Variants in VRK2 observed in about 807,000 individuals in gnomAD.
VRK2 encodes the protein VRK serine/threonine kinase 2.
Under a neutral mutation model 57.6 loss-of-function variants are expected in VRK2, and 60 were observed. The ratio of observed to expected loss-of-function variants is 1.04; its 90% CI spans 0.85 to 1.29. The LOEUF is 1.29. Among genes scored for constraint, VRK2 ranks in the 50% most tolerant of loss-of-function variants. The pLI, the probability that VRK2 is intolerant of heterozygous loss-of-function variation, is 0.00. For missense variants in VRK2, 705 were observed against 588.1 expected (o/e 1.20, Z -2.06); for synonymous variants, 231 against 199.2 (o/e 1.16, Z -1.35).
intron 1 of VRK2, among the ~76,000 whole-genome samples, chr2:57,975,976 A>C (rs12476222): frequency 0.12 from 18,591 of 151,826 alleles, 1,213 homozygotes; most frequent in East Asian, 0.19. Context: ...TCCACATGCA[A>C]TCAACGTTTA....
chr2:58,068,991 A>G (rs187767729), intron 2 of VRK2, among the ~76,000 whole-genome samples: 148 of 152,262 alleles, frequency 9.7e-4, no homozygotes, highest in Middle Eastern at 3.4e-3. Context: ...TCTGTCAGAT[A>G]ATTTCAACAT....
intron 12 of VRK2, among the ~76,000 whole-genome samples, chr2:58,148,084 G>A (rs994552128): frequency 6.6e-6 from 1 of 151,788 alleles, no homozygotes; most frequent in Admixed American, 6.6e-5. Flanking sequence ...TAGGGCAGGT[G>A]TATGTTCAAT....
intron 8 of VRK2, among the ~76,000 whole-genome samples, chr2:58,126,905 A>T (rs1678436743): frequency 6.6e-6 from 1 of 152,048 alleles, no homozygotes; most frequent in African/African-American, 2.4e-5. Flanking sequence ...AATGTGTGGT[A>T]TAGATTTTTG....
At chr2:57,914,030 G>T (rs1451048886) in intron 1 of VRK2, among the ~76,000 whole-genome samples, 2 of 151,780 alleles carry the variant, frequency 1.3e-5, no homozygotes, top group African/African-American at 4.8e-5. Flanking sequence ...ACATTAAAGA[G>T]AAAAAACGTC....
intron 2 of VRK2, among the ~76,000 whole-genome samples, chr2:58,081,076 A>G (rs2104105157): frequency 6.6e-6 from 1 of 152,126 alleles, no homozygotes; most frequent in Non-Finnish European, 1.5e-5. Context: ...TCATATCTTA[A>G]TAAACATTTT....
At chr2:57,957,457 T>A (rs1423881438) in intron 1 of VRK2, among the ~76,000 whole-genome samples, 1 of 151,938 alleles carries the variant, frequency 6.6e-6, no homozygotes, top group Non-Finnish European at 1.5e-5. Context: ...TGGATAAGGC[T>A]ACGATCAGTG....
intron 1 of VRK2, among the ~76,000 whole-genome samples, chr2:57,915,596 T>C (rs190649347): frequency 5.1e-4 from 77 of 152,326 alleles, no homozygotes; most frequent in African/African-American, 1.8e-3. Flanking sequence ...GATGGAACAA[T>C]GATGACTAGA....
At chr2:58,008,372 G>A (rs551075528) in intron 1 of VRK2, among the ~76,000 whole-genome samples, 1 of 152,038 alleles carries the variant, frequency 6.6e-6, no homozygotes, top group South Asian at 2.1e-4. Context: ...AAGGAACGAA[G>A]AAAGGAAGCA....
chr2:57,954,300 T>C (rs1035115639), intron 1 of VRK2, among the ~76,000 whole-genome samples: 1 of 152,114 alleles, frequency 6.6e-6, no homozygotes, highest in Admixed American at 6.6e-5. Flanking sequence ...TTTGATTCTA[T>C]TCAAACTGAG....
At chr2:58,033,050 T>G (rs953636471) in intron 2 of VRK2, among the ~76,000 whole-genome samples, 1 of 152,046 alleles carries the variant, frequency 6.6e-6, no homozygotes, top group Non-Finnish European at 1.5e-5. Context: ...AACATATGAA[T>G]TTTGGGGGGA....
intron 6 of VRK2, among the ~76,000 whole-genome samples, chr2:58,088,820 G>A (rs1019618654): frequency 1.3e-5 from 2 of 152,200 alleles, no homozygotes; most frequent in Admixed American, 6.5e-5. Flanking sequence ...TGGTAGGGGG[G>A]TGCTATGAAG....
intron 1 of VRK2, among the ~76,000 whole-genome samples, chr2:57,997,404 A>G (rs546945894): frequency 1.8e-4 from 28 of 152,136 alleles, no homozygotes; most frequent in Non-Finnish European, 3.5e-4. Flanking sequence ...GAGAGATGCA[A>G]TAAGATCAAT....
chr2:58,043,762 G>C (rs1056276283), upstream of VRK2, among the ~76,000 whole-genome samples: 2 of 152,112 alleles, frequency 1.3e-5, no homozygotes, highest in Non-Finnish European at 2.9e-5. Context: ...GCGAATGCTG[G>C]GTTGTATGTT....
rs144721876 is a variant in VRK2 at position 58,074,239 on chromosome 2, C to G, written c.137-9850C>G. Among the ~76,000 whole-genome samples the G allele has an allele frequency of 2.8e-3, 422 of 152,186 alleles. 1 individual carries two copies. Among genetic ancestry groups the G allele is most frequent in the African/African-American group, 9.8e-3 (407 of 41,530 alleles). ...AGTTGTCTTATTTTTTCAATCTACT[C>G]TGTCACTATCTGTCTTTTAATTGGT... is the stretch of plus-strand genomic sequence containing the variant. On this transcript the variant is annotated intron_variant, in intron 2 of 12. Transcript: ENST00000340157.
intron 1 of VRK2, among the ~76,000 whole-genome samples, chr2:58,015,647 T>G (rs1442908596): frequency 6.6e-6 from 1 of 152,198 alleles, no homozygotes; most frequent in East Asian, 1.9e-4. Flanking sequence ...AAAATAAAAT[T>G]TATTTAAGTG....
chr2:58,102,186 G>A (rs1437269987), intron 7 of VRK2, among the ~76,000 whole-genome samples: 1 of 151,424 alleles, frequency 6.6e-6, no homozygotes, highest in Non-Finnish European at 1.5e-5. Flanking sequence ...GAACTGCTGT[G>A]GGTTGAATTG....
At chr2:57,993,481 TAAA>T (rs879272262) in intron 1 of VRK2, among the ~76,000 whole-genome samples, 1 of 142,990 alleles carries the variant, frequency 7.0e-6, no homozygotes, top group Admixed American at 7.0e-5. Context: ...TGCTCTGCTT[TAAA>T]AAAAAAAAAA....
chr2:57,996,895 A>G (rs1558532186), intron 1 of VRK2, among the ~76,000 whole-genome samples: 1 of 151,584 alleles, frequency 6.6e-6, no homozygotes, highest in African/African-American at 2.4e-5. Flanking sequence ...TATTGTTTTC[A>G]TTTTTTTTCC....
At chr2:58,066,975 A>T (rs1159937893) in intron 2 of VRK2, among the ~76,000 whole-genome samples, 1 of 152,186 alleles carries the variant, frequency 6.6e-6, no homozygotes, top group Non-Finnish European at 1.5e-5. Flanking sequence ...CCCACCCTCA[A>T]CCTGAGTGGG....
Sources: gnomAD v4.1 joint callset for allele counts (sites outside exome capture counted in the v4.1 genomes callset) on GRCh38, gnomAD v4.1.1 for gene constraint, MANE v1.5 for transcripts, NCBI Gene and HGNC (gene_info 2026-07-23, HGNC 2026-07-21) for gene names.